Variants in SLIT3 observed in about 807,000 individuals in gnomAD.
SLIT3 encodes the protein slit homolog 3 protein.
Under a neutral mutation model 184.0 loss-of-function variants are expected in SLIT3, and 68 were observed. That is an observed-to-expected ratio of 0.37 (90% CI 0.30 to 0.45). The LOEUF is 0.45. Among genes scored for constraint, SLIT3 ranks in the 20% least tolerant of loss-of-function variants. SLIT3 has a pLI of 1.00. For synonymous variants in SLIT3, 831 were observed against 828.6 expected (o/e 1.00, Z -0.05); for missense variants, 1,707 against 2,026.0 (o/e 0.84, Z 3.02).
intron 4 of SLIT3, among the ~76,000 whole-genome samples, chr5:168,965,481 A>G (rs2113299400): frequency 6.6e-6 from 1 of 152,324 alleles, no homozygotes; most frequent in African/African-American, 2.4e-5. Flanking sequence ...CTTTGCCCAT[A>G]TAGCCCCAAA....
intron 9 of SLIT3, among the ~76,000 whole-genome samples, chr5:168,805,131 C>T (rs527974672): frequency 2.0e-5 from 3 of 152,310 alleles, no homozygotes; most frequent in East Asian, 3.9e-4. Flanking sequence ...CACTAGAAGG[C>T]AAGTGTCATA....
chr5:168,856,804 T>TGC (rs1330091597), intron 5 of SLIT3, among the ~76,000 whole-genome samples: 3,752 of 138,140 alleles, frequency 0.027, 91 homozygotes, highest in African/African-American at 0.08. Context: ...TGTGTGTGTG[T>TGC]GTGCGCGCGC....
In SLIT3 at chr5:168,762,702, A is replaced by C. The variant is rs754201987; in HGVS notation, c.1460-13T>G. ...TAATCCTCGGAGCCTGGGAGGGGCCAAAGAGGGGACGTCAGCGTCACCCGA... is the reference window on the plus strand; with the variant it reads ...TAATCCTCGGAGCCTGGGAGGGGCCCAAGAGGGGACGTCAGCGTCACCCGA... On this transcript the variant is annotated splice_polypyrimidine_tract_variant and intron_variant, in intron 14 of 35. Coordinates refer to ENST00000519560, the MANE Select transcript of SLIT3 (RefSeq NM_003062.4). 1.2e-6 allele frequency: 2 copies of C among 1,611,392 alleles called. No homozygotes were observed. Among genetic ancestry groups the C allele is most frequent in the South Asian group, 2.2e-5 (2 of 91,044 alleles).
At chr5:168,893,367 C>T (rs997645931) in intron 4 of SLIT3, among the ~76,000 whole-genome samples, 1 of 152,160 alleles carries the variant, frequency 6.6e-6, no homozygotes, top group South Asian at 2.1e-4. Context: ...GTCCCCACCC[C>T]CTCTGTCCCT....
Position 169,045,821 on chromosome 5 carries a change from C to T in SLIT3, c.413+147658G>A, listed in dbSNP as rs577707857. ...TTCCCATAGCACCTGGTGAGTCCTCCGATTTTACCATACACCGAGTCAGAT... is the reference window on the plus strand; with the variant it reads ...TTCCCATAGCACCTGGTGAGTCCTCTGATTTTACCATACACCGAGTCAGAT... On this transcript the variant is annotated intron_variant, in intron 4 of 35. Coordinates refer to ENST00000519560, the MANE Select transcript of SLIT3 (RefSeq NM_003062.4). Among the ~76,000 whole-genome samples, 19 of 152,234 alleles carry T rather than the reference C, an allele frequency of 1.2e-4. No individual in the cohort carries two copies. In the South Asian group the frequency reaches 1.9e-3, roughly 15 times the overall value.
chr5:168,928,788 TA>T (rs771803465), intron 4 of SLIT3, among the ~76,000 whole-genome samples: 3 of 152,204 alleles, frequency 2.0e-5, no homozygotes, highest in Non-Finnish European at 4.4e-5. Context: ...CTTTCACACC[TA>T]TTTCTCCCAT....
At chr5:169,282,957 G>A (rs553525019) in intron 1 of SLIT3, among the ~76,000 whole-genome samples, 4 of 152,276 alleles carry the variant, frequency 2.6e-5, no homozygotes, top group Admixed American at 6.5e-5. Flanking sequence ...GGATTGGCCC[G>A]GGCATCAGTA....
At chr5:168,963,059 G>C (rs1344265436) in intron 4 of SLIT3, among the ~76,000 whole-genome samples, 1 of 152,134 alleles carries the variant, frequency 6.6e-6, no homozygotes, top group Non-Finnish European at 1.5e-5. Context: ...TTTGCTTTTT[G>C]CTTCTTTATT....
intron 12 of SLIT3, among the ~76,000 whole-genome samples, chr5:168,784,550 C>T (rs1756083759): frequency 6.6e-6 from 1 of 152,194 alleles, no homozygotes; most frequent in Non-Finnish European, 1.5e-5. Flanking sequence ...CTACATAATT[C>T]ACATTAGTGC....
rs557786902 is a variant in SLIT3, at chr5:169,121,495, G to C, written c.413+71984C>G. 3.9e-5 allele frequency among the ~76,000 whole-genome samples: 6 copies of C among 152,208 alleles called. No homozygotes were observed. In the South Asian group the frequency reaches 1.2e-3, roughly 32 times the overall value. On this transcript the variant is annotated intron_variant, in intron 4 of 35. Transcript: ENST00000519560. ...TATTTACTGACACTGAGGCTGCTGC[G>C]TCCTGTCAAAACTCAGAAGGGTTTC...
intron 33 of SLIT3, 77 bp from the exon 34 acceptor site, chr5:168,671,560 T>G: frequency 6.8e-7 from 1 of 1,460,690 alleles, no homozygotes; most frequent in Admixed American, 2.1e-5. Context: ...AAAAAGCACT[T>G]TTCACACATT....
intron 4 of SLIT3, among the ~76,000 whole-genome samples, chr5:169,121,783 T>A (rs957734318): frequency 6.6e-6 from 1 of 152,182 alleles, no homozygotes. Flanking sequence ...AAACCATGCA[T>A]AGGGTTTAAG....
chr5:168,990,167 G>A lies in SLIT3; in HGVS notation c.414-106831C>T, dbSNP rs112815266. ...AGATTTCTACATCAGGGTCCATCAG[G>A]ATGTCCATCTTGCACCCTTGGCAAT... is the stretch of plus-strand genomic sequence containing the variant. On this transcript the variant is annotated intron_variant, in intron 4 of 35. Coordinates refer to ENST00000519560, the MANE Select transcript of SLIT3 (RefSeq NM_003062.4). Among the ~76,000 whole-genome samples, 1,521 of 152,226 alleles carry A rather than the reference G, an allele frequency of 1.0e-2. 25 individuals carry two copies. Among genetic ancestry groups the A allele is most frequent in the African/African-American group, 0.035 (1,452 of 41,534 alleles).
In SLIT3 at chr5:169,251,380, C is replaced by T. The variant is rs750524334; in HGVS notation, c.269+8G>A. 6.2e-7 allele frequency: 1 copy of T among 1,601,968 alleles called. No homozygotes were observed. Among genetic ancestry groups the T allele is most frequent in the South Asian group, 1.1e-5 (1 of 90,802 alleles). On this transcript the variant is annotated splice_region_variant and intron_variant, in intron 2 of 35. Coordinates refer to ENST00000519560, the MANE Select transcript of SLIT3 (RefSeq NM_003062.4). The stretch of plus-strand genomic sequence containing the variant: ...TGAAAACACACTTGAGAGCCATCAA[C>T]TACTTACAAGACTCGGAGGTTCTTG...
chr5:168,904,239 T>G (rs1166255710), intron 4 of SLIT3, among the ~76,000 whole-genome samples: 3 of 152,130 alleles, frequency 2.0e-5, no homozygotes, highest in Non-Finnish European at 4.4e-5. Flanking sequence ...GGATCACACA[T>G]TCTGGATTAA....
intron 20 of SLIT3, among the ~76,000 whole-genome samples, chr5:168,746,858 AGTGTGGTGGTGTGG>A (rs1450330532): frequency 3.1e-4 from 5 of 16,014 alleles, no homozygotes; most frequent in African/African-American, 8.9e-4. Context: ...GTGGTGTGTG[AGTGTGGTGGTGTGG>A]GTGTGGCGGT....
chr5:168,678,405 C>T (rs747709086), intron 32 of SLIT3, among the ~76,000 whole-genome samples: 1 of 152,136 alleles, frequency 6.6e-6, no homozygotes, highest in Non-Finnish European at 1.5e-5. Context: ...GGGATTACAT[C>T]CTTGAATTCT....
intron 4 of SLIT3, among the ~76,000 whole-genome samples, chr5:168,913,618 T>A (rs1277225283): frequency 6.6e-6 from 1 of 151,850 alleles, no homozygotes; most frequent in South Asian, 2.1e-4. Context: ...GGCAGGCGCC[T>A]GTAATCCCAT....
chr5:168,826,751 C>T (rs1035285900), intron 6 of SLIT3, among the ~76,000 whole-genome samples: 1 of 152,118 alleles, frequency 6.6e-6, no homozygotes, highest in Non-Finnish European at 1.5e-5. Flanking sequence ...GCTAAGGGTA[C>T]TGCATTGTAC....
Sources: gnomAD v4.1 joint callset for allele counts (sites outside exome capture counted in the v4.1 genomes callset) on GRCh38, gnomAD v4.1.1 for gene constraint, MANE v1.5 for transcripts, NCBI Gene and HGNC (gene_info 2026-07-23, HGNC 2026-07-21) for gene names.